CYB561: variants seen among roughly 807,000 people sequenced by gnomAD.
CYB561 encodes the protein transmembrane ascorbate-dependent reductase CYB561.
CYB561 carries 11 observed loss-of-function variants against 25.3 expected under a neutral mutation model. The observed-to-expected ratio is 0.44, with a 90% CI of 0.27 to 0.72. CYB561 has a LOEUF of 0.72. Ranked by LOEUF, CYB561 falls within the 30% of genes least tolerant of loss-of-function variation. The probability of loss-of-function intolerance (pLI) is 0.18; values close to 1 mark genes in which losing one functional copy is unlikely to be tolerated. For synonymous variants in CYB561, 165 were observed against 158.8 expected (o/e 1.04, Z -0.29); for missense variants, 295 against 334.9 (o/e 0.88, Z 0.93).
intron 1 of CYB561, among the ~76,000 whole-genome samples, chr17:63,440,367 C>A (rs2147499263): frequency 6.6e-6 from 1 of 152,276 alleles, no homozygotes; most frequent in East Asian, 1.9e-4. Context: ...GCTGGCACCC[C>A]TCCCCTCACT....
rs2049255658 is a variant in CYB561 at position 63,433,422 on chromosome 17, A to AGAT, written c.*977_*979dup. 7 of 398,894 alleles carry AGAT rather than the reference A, an allele frequency of 1.8e-5. No homozygotes were observed. The South Asian group carries it at 8.9e-4, about 51-fold the overall frequency. 24.7% of individuals were successfully genotyped at this position (398,894 alleles called of 1,614,324 possible). On this transcript the variant is annotated 3_prime_UTR_variant, in exon 6 of 6. Coordinates refer to ENST00000360793, the MANE Select transcript of CYB561 (RefSeq NM_001915.4). ...CTGACTCCATCCTGACTTCCTGGAA[A>AGAT]GATGGGCAGCAGATAAGGAGAAGGC...
chr17:63,436,095 T>C lies in CYB561; in HGVS notation c.260A>G (p.His87Arg). 2 of 1,614,228 alleles carry C rather than the reference T, an allele frequency of 1.2e-6. No individual in the cohort carries two copies. Among genetic ancestry groups the C allele is most frequent in the Non-Finnish European group, 1.7e-6 (2 of 1,180,028 alleles). Reference protein sequence around the residue: ...NEAKRTTKVLHGLLHIFALVI... With the variant: ...NEAKRTTKVLRGLLHIFALVI... The stretch of plus-strand genomic sequence containing the variant: ...GAGCGCAAAGATGTGCAGCAGCCCG[T>C]GCAGGACCTTGGTGGTGCGTTTAGC... Residue 87 changes from histidine to arginine, a missense_variant, in exon 3 of 6, where the codon CAC becomes CGC. Coordinates refer to ENST00000360793, the MANE Select transcript of CYB561 (RefSeq NM_001915.4). The surrounding 1 kb of genome is among the most constrained non-coding windows in gnomAD (Gnocchi z 4.8).
At chr17:63,440,664 C>A in intron 1 of CYB561, 1 of 165,584 alleles carries the variant, frequency 6.0e-6, no homozygotes. Context: ...CCCCTGCCTC[C>A]ACTCCTCAGG....
At chr17:63,434,891 C>A (rs188975527) in intron 5 of CYB561, among the ~76,000 whole-genome samples, 195 bp downstream of exon 5, 209 of 152,378 alleles carry the variant, frequency 1.4e-3, no homozygotes, top group African/African-American at 4.7e-3. Flanking sequence ...CCAGAAGTTT[C>A]TTTGAAAGGG....
At position 63,433,233 on chromosome 17, in the gene CYB561, CTG is replaced by C. The variant is rs1317167467; in HGVS notation, c.*1167_*1168del. ...TATTTTTAGTAGAGACGGGGTTTCA[CTG>C]TGTTTGTTAGTCAGGATGGTCTTGA... is the stretch of plus-strand genomic sequence containing the variant. On this transcript the variant is annotated 3_prime_UTR_variant, in exon 6 of 6. Coordinates refer to ENST00000360793, the MANE Select transcript of CYB561 (RefSeq NM_001915.4). 9 of 394,546 alleles carry C rather than the reference CTG, an allele frequency of 2.3e-5. No individual in the cohort carries two copies. The highest frequency in any genetic ancestry group is 4.0e-5 in the Non-Finnish European group (9 of 223,778). 24.4% of individuals were successfully genotyped at this position (394,546 alleles called of 1,614,324 possible).
rs951976562 is a variant in CYB561 at position 63,434,293 on chromosome 17, C to A, written c.*109G>T. 5 of 1,002,798 alleles carry A rather than the reference C, an allele frequency of 5.0e-6. No individual in the cohort carries two copies. 62.1% of individuals were successfully genotyped at this position (1,002,798 alleles called of 1,614,324 possible). On this transcript the variant is annotated 3_prime_UTR_variant, in exon 6 of 6. Transcript: ENST00000360793. Reference sequence around the variant, plus strand: ...ACTCAAACAGATGCAGCTGCACCCACGCGCCCGCCTGCTGCCAGAGCCACT... The same window carrying A: ...ACTCAAACAGATGCAGCTGCACCCAAGCGCCCGCCTGCTGCCAGAGCCACT...
intron 1 of CYB561, among the ~76,000 whole-genome samples, chr17:63,441,855 G>A (rs150320117): frequency 1.1e-4 from 17 of 152,302 alleles, no homozygotes; most frequent in African/African-American, 2.6e-4. Flanking sequence ...GTCCTCCTGC[G>A]TCCTCCCCGC....
chr17:63,434,091 C>T lies in CYB561; in HGVS notation c.*311G>A. On this transcript the variant is annotated 3_prime_UTR_variant, in exon 6 of 6. Transcript: ENST00000360793. ...TGCTGCCAGGAGGGTGGGGCCTCCT[C>T]TCTCGCTTCTTTAAAGATCTGTGCT... The T allele has an allele frequency of 3.1e-6, 1 of 323,648 alleles. No homozygotes were observed. The highest frequency in any genetic ancestry group is 4.7e-5 in the Admixed American group (1 of 21,308). The allele number at this position is 323,648 out of a possible 1,614,324, so 20.0% of individuals were successfully genotyped here. A position where few individuals can be genotyped will look rare whatever the true frequency, so the allele number is the denominator to read the frequency against.
chr17:63,435,775 G>T lies in CYB561; in HGVS notation c.318C>A (p.Phe106Leu), dbSNP rs148408441. ...CGTAGCCCTTCTTCCTGTGGTAGTC[G>T]AACACCGCCACCAAGCCTGGGCCAG... ...VIALVGLVAV[F>L]DYHRKKGYAD... The change falls in exon 4 of 6, where the codon TTC becomes TTA. Residue 106 changes from phenylalanine (F) to leucine (L), a missense_variant. By Grantham distance (22) the Phe-to-Leu change is conservative (BLOSUM62 0). Transcript: ENST00000360793. 1 of 1,614,148 alleles carries T rather than the reference G, an allele frequency of 6.2e-7. No individual in the cohort carries two copies. Among genetic ancestry groups the T allele is most frequent in the Admixed American group, 1.7e-5 (1 of 60,028 alleles).
chr17:63,436,222 G>T lies in CYB561; in HGVS notation c.203-70C>A. ...TGAGGCCTCCTGCCCCAGCAGCAAG[G>T]AGGCACCTTGGTGGAGAGGTGATGT... On this transcript the variant is annotated intron_variant, in intron 2 of 5. Coordinates refer to ENST00000360793, the MANE Select transcript of CYB561 (RefSeq NM_001915.4). This position sits in a 1 kb window ranked among gnomAD's most constrained non-coding sequence, Gnocchi z 4.8. The T allele has an allele frequency of 6.4e-7, 1 of 1,566,394 alleles. No homozygotes were observed. The highest frequency in any genetic ancestry group is 8.7e-7 in the Non-Finnish European group (1 of 1,147,752).
At position 63,433,030 on chromosome 17, in the gene CYB561, C is replaced by G. The variant is rs960422697; in HGVS notation, c.*1372G>C. 4 of 189,680 alleles carry G rather than the reference C, an allele frequency of 2.1e-5. No homozygotes were observed. The highest frequency in any genetic ancestry group is 4.3e-5 in the Non-Finnish European group (4 of 93,366). 11.7% of individuals were successfully genotyped at this position (189,680 alleles called of 1,614,324 possible). On this transcript the variant is annotated 3_prime_UTR_variant, in exon 6 of 6. Transcript: ENST00000360793. ...AACAGGGAGAGAACAGTCACCAGAT[C>G]CAAGAAGCACATGATCGGTGTTCTT...
intron 1 of CYB561, chr17:63,438,413 T>G: frequency 2.0e-6 from 1 of 508,726 alleles, no homozygotes. Flanking sequence ...TGAGGAGGCC[T>G]CCCCACCCCA....
At position 63,432,947 on chromosome 17, in the gene CYB561, A is replaced by G. The variant is rs2049245448; in HGVS notation, c.*1455T>C. On this transcript the variant is annotated 3_prime_UTR_variant, in exon 6 of 6. Transcript: ENST00000360793. ...TATTAAGCCCTTCACTGAAGTACAC[A>G]GTGTCTGTGTGTGTCTCAAGCTAAG... The G allele has an allele frequency of 1.3e-5, 2 of 154,968 alleles. No individual in the cohort carries two copies. The highest frequency in any genetic ancestry group is 2.1e-4 in the South Asian group (1 of 4,860). The allele number at this position is 154,968 out of a possible 1,614,324, so 9.6% of individuals were successfully genotyped here.
chr17:63,437,706 A>AT, intron 1 of CYB561, 146 bp from the exon 2 acceptor site: 1 of 493,770 alleles, frequency 2.0e-6, no homozygotes, highest in East Asian at 3.8e-5. Flanking sequence ...GCCCCCGGAG[A>AT]TAAGCACGGT....
intron 1 of CYB561, among the ~76,000 whole-genome samples, chr17:63,441,713 A>G (rs1195722855): frequency 1.3e-5 from 2 of 152,208 alleles, no homozygotes; most frequent in African/African-American, 4.8e-5. Context: ...GGCCTTTCCA[A>G]GGCCCAGGAA....
chr17:63,433,101 C>T lies in CYB561; in HGVS notation c.*1301G>A, dbSNP rs570634813. On this transcript the variant is annotated 3_prime_UTR_variant, in exon 6 of 6. Coordinates refer to ENST00000360793, the MANE Select transcript of CYB561 (RefSeq NM_001915.4). ...TGTCGCCCAGGCTGGAGTGCAATCT[C>T]AGCTCACTGCAAGCGCCATCTCCCG... 6.4e-6 allele frequency: 2 copies of T among 312,482 alleles called. No individual in the cohort carries two copies. Among genetic ancestry groups the T allele is most frequent in the Admixed American group, 1.0e-4 (2 of 19,950 alleles). 19.4% of individuals were successfully genotyped at this position (312,482 alleles called of 1,614,324 possible).
intron 1 of CYB561, chr17:63,437,987 C>CCCCGGGCCCCCCGG: frequency 2.0e-6 from 2 of 986,152 alleles, no homozygotes; most frequent in Non-Finnish European, 2.9e-6. Flanking sequence ...CACCCTCCCC[C>CCCCGGGCCCCCCGG]GAGGCTCCCG....
intron 1 of CYB561, chr17:63,438,452 C>G (rs1473102148): frequency 2.7e-5 from 14 of 513,416 alleles, no homozygotes; most frequent in Non-Finnish European, 4.2e-5. Context: ...CCGCTCCCCC[C>G]ACGCCCCCGC....
chr17:63,435,030 G>A lies in CYB561; in HGVS notation c.563+56C>T, dbSNP rs575675905. 1.2e-5 allele frequency: 19 copies of A among 1,540,578 alleles called. No homozygotes were observed. The East Asian group carries it at 3.4e-4, about 28-fold the overall frequency. ...CACAGCTGGGGAAGCTGAAGGCAGG[G>A]TGAGGTCTGTGCAAGGGTGGCCCAG... On this transcript the variant is annotated intron_variant, in intron 5 of 5. Transcript: ENST00000360793.
Sources: gnomAD v4.1 joint callset for allele counts (sites outside exome capture counted in the v4.1 genomes callset) on GRCh38, gnomAD v4.1.1 for gene constraint, Gnocchi (gnomAD v3.1) non-coding constraint, MANE v1.5 for transcripts, NCBI Gene and HGNC (gene_info 2026-07-23, HGNC 2026-07-21) for gene names.